Variants in EZH1 observed in about 807,000 individuals in gnomAD.
EZH1 encodes the protein enhancer of zeste 1 polycomb repressive complex 2 subunit, also known as histone-lysine N-methyltransferase EZH1.
EZH1 carries 33 observed loss-of-function variants against 100.5 expected under a neutral mutation model. That is an observed-to-expected ratio of 0.33 (90% CI 0.25 to 0.44). The LOEUF (loss-of-function observed/expected upper bound fraction) is 0.44, where lower values mean the gene tolerates loss of function less well. EZH1 is among the 20% of genes least tolerant of loss of function. EZH1 has a pLI of 1.00. For synonymous variants in EZH1, 272 were observed against 313.8 expected (o/e 0.87, Z 1.41); for missense variants, 475 against 928.4 (o/e 0.51, Z 6.35).
rs930451295 is a variant in EZH1, at chr17:42,700,413, G to A, written c.*2119C>T. ...CCCATCCATCATGACGTGGTGGGGA[G>A]GGGTTGAGACCCATCTTTAAAAGTG... On this transcript the variant is annotated 3_prime_UTR_variant, in exon 21 of 21. Coordinates refer to ENST00000428826, the MANE Select transcript of EZH1 (RefSeq NM_001991.5). 1 of 152,782 alleles carries A rather than the reference G, an allele frequency of 6.5e-6. No individual in the cohort carries two copies. Among genetic ancestry groups the A allele is most frequent in the African/African-American group, 2.4e-5 (1 of 41,416 alleles). The allele number at this position is 152,782 out of a possible 1,614,324, so 9.5% of individuals were successfully genotyped here. A position where few individuals can be genotyped will look rare whatever the true frequency, so the allele number is the denominator to read the frequency against.
intron 1 of EZH1, among the ~76,000 whole-genome samples, chr17:42,741,501 C>T (rs1006957191): frequency 1.4e-4 from 21 of 152,270 alleles, no homozygotes; most frequent in African/African-American, 4.6e-4. Context: ...TGAGCCACAA[C>T]GTGGGGGGCC....
intron 7 of EZH1, 123 bp downstream of exon 7, chr17:42,720,150 T>A: frequency 6.3e-6 from 6 of 948,896 alleles, no homozygotes; most frequent in Non-Finnish European, 9.3e-6. Flanking sequence ...GATCATGTTC[T>A]CCTTTTAAGT....
chr17:42,738,755 ATTTT>A, intron 1 of EZH1, among the ~76,000 whole-genome samples: 1 of 91,214 alleles, frequency 1.1e-5, no homozygotes, highest in South Asian at 3.3e-4. Flanking sequence ...CCTGGCCTAG[ATTTT>A]TTTTTTTTTT....
intron 5 of EZH1, 58 bp downstream of exon 5, chr17:42,724,247 T>C: frequency 6.3e-7 from 1 of 1,597,674 alleles, no homozygotes; most frequent in Non-Finnish European, 8.6e-7. Flanking sequence ...AGCTCTGGCA[T>C]ATCAACATAA....
chr17:42,723,806 T>C (rs952899063), intron 5 of EZH1, among the ~76,000 whole-genome samples: 6 of 152,168 alleles, frequency 3.9e-5, no homozygotes, highest in Admixed American at 1.3e-4. Flanking sequence ...AATGGCAGTA[T>C]TTAGAGAGGA....
At position 42,718,920 on chromosome 17, in the gene EZH1, C is replaced by T. The variant is rs2053655136; in HGVS notation, c.767+185G>A. 1.3e-5 allele frequency among the ~76,000 whole-genome samples: 2 copies of T among 152,110 alleles called. No homozygotes were observed. Among genetic ancestry groups the T allele is most frequent in the Non-Finnish European group, 2.9e-5 (2 of 68,020 alleles). On this transcript the variant is annotated intron_variant, in intron 8 of 20. Coordinates refer to ENST00000428826, the MANE Select transcript of EZH1 (RefSeq NM_001991.5). The surrounding 1 kb of genome is among the most constrained non-coding windows in gnomAD (Gnocchi z 4.2). ...CCAGACTCACTCAAAAGCCAGTATA[C>T]GATGACCCTTAATATAGTAAGGGGG... is the stretch of plus-strand genomic sequence containing the variant.
In EZH1 at chr17:42,702,899, C is replaced by T. The variant is rs1260794915; in HGVS notation, c.2161G>A (p.Glu721Lys). The change falls in exon 20 of 21, where the codon GAA (glutamate) becomes AAA (lysine). Residue 721 changes from glutamate to lysine, a missense_variant. Coordinates refer to ENST00000428826, the MANE Select transcript of EZH1 (RefSeq NM_001991.5). ...CACCTGTAATCAAAGAAGAGCTCTT[C>T]GCCAGCTTGAATTGCCCTCTTGGCA... ...IFAKRAIQAGEELFFDYRYSQ... is the reference protein window; with the variant it reads ...IFAKRAIQAGKELFFDYRYSQ... 14 of 1,614,002 alleles carry T rather than the reference C, an allele frequency of 8.7e-6. No individual in the cohort carries two copies. Among genetic ancestry groups the T allele is most frequent in the Admixed American group, 1.7e-5 (1 of 60,004 alleles).
At chr17:42,704,465 C>T (rs192018759) in intron 18 of EZH1, 137 bp downstream of exon 18, 114 of 592,538 alleles carry the variant, frequency 1.9e-4, no homozygotes, top group African/African-American at 1.6e-3. Context: ...CACTTGAACC[C>T]GGGAGGCAGA....
At chr17:42,729,550 G>A (rs1259352623) in intron 2 of EZH1, among the ~76,000 whole-genome samples, 1 of 147,428 alleles carries the variant, frequency 6.8e-6, no homozygotes, top group African/African-American at 2.5e-5. Context: ...CCAACATAGT[G>A]AAACCCCGTC....
chr17:42,729,340 A>G, intron 2 of EZH1: 1 of 178,504 alleles, frequency 5.6e-6, no homozygotes. Flanking sequence ...CCAGGAGGTC[A>G]AGGCTGCATT....
intron 5 of EZH1, among the ~76,000 whole-genome samples, chr17:42,724,017 A>G (rs2053768826): frequency 6.6e-6 from 1 of 152,194 alleles, no homozygotes. Context: ...AACTGTACAT[A>G]ATATTGGGCC....
At chr17:42,716,400 G>T (rs902968308) in intron 10 of EZH1, among the ~76,000 whole-genome samples, 1 of 152,158 alleles carries the variant, frequency 6.6e-6, no homozygotes, top group Non-Finnish European at 1.5e-5. Context: ...CAGGAAGAAG[G>T]TATCTTTCAA....
Position 42,706,531 on chromosome 17 carries a change from A to T in EZH1, c.1661-346T>A, listed in dbSNP as rs78543057. 1.6e-4 allele frequency among the ~76,000 whole-genome samples: 23 copies of T among 144,152 alleles called. No individual in the cohort carries two copies. Among genetic ancestry groups the T allele is most frequent in the Admixed American group, 5.6e-4 (8 of 14,292 alleles). The allele number at this position is 144,152 out of a possible 152,430, so 94.6% of individuals were successfully genotyped here. On this transcript the variant is annotated intron_variant, in intron 15 of 20. Transcript: ENST00000428826. The surrounding 1 kb of genome is among the most constrained non-coding windows in gnomAD (Gnocchi z 4.4). Reference sequence around the variant, plus strand: ...GAGATCCTGTCTCCACAAAAAAATTAAAAAAAAAAATAGCCATGTGTGGTG... The same window carrying T: ...GAGATCCTGTCTCCACAAAAAAATTTAAAAAAAAAATAGCCATGTGTGGTG...
rs200504064 is a variant in EZH1, at chr17:42,727,656, A to C, written c.225T>G (p.Ser75Arg). The C allele has an allele frequency of 6.2e-7, 1 of 1,612,920 alleles. No individual in the cohort carries two copies. Among genetic ancestry groups the C allele is most frequent in the Admixed American group, 1.7e-5 (1 of 59,846 alleles). Residue 75 changes from serine to arginine, a missense_variant, in exon 4 of 21, where the codon AGT becomes AGG. Ser to Arg is a moderately radical substitution (Grantham distance 110). This residue lies in a region of EZH1 where 105 missense variants were observed against 129.8 expected (regional missense o/e 0.81). Transcript: ENST00000428826. Reference sequence around the variant, plus strand: ...GTACCTTTTTGAGAAAAGGGTGTCCACTCACAGGCTTCATTGACTGAACAG... The same window carrying C: ...GTACCTTTTTGAGAAAAGGGTGTCCCCTCACAGGCTTCATTGACTGAACAG... ...VQPVQSMKPV[S>R]GHPFLKKCTI...
chr17:42,713,054 A>AAAAAG lies in EZH1; in HGVS notation c.1204+150_1204+154dup, dbSNP rs1555647537. On this transcript the variant is annotated intron_variant, in intron 11 of 20. Coordinates refer to ENST00000428826, the MANE Select transcript of EZH1 (RefSeq NM_001991.5). ...GACTGTTTCAAAAAAAAAAAAAAAA[A>AAAAAG]AAAAGAAAATATTCCCCATCTTTAC... Among the ~76,000 whole-genome samples the AAAAAG allele has an allele frequency of 1.5e-4, 22 of 150,340 alleles. 1 individual carries two copies. Among genetic ancestry groups the AAAAAG allele is most frequent in the African/African-American group, 5.5e-4 (22 of 40,132 alleles).
intron 13 of EZH1, 116 bp downstream of exon 13, chr17:42,709,730 G>T: frequency 1.1e-6 from 1 of 902,312 alleles, no homozygotes; most frequent in Non-Finnish European, 1.7e-6. Flanking sequence ...AAGCTGATGG[G>T]CTCACACAGC....
chr17:42,717,674 C>G (rs1055157413), intron 10 of EZH1, among the ~76,000 whole-genome samples: 2 of 152,146 alleles, frequency 1.3e-5, no homozygotes, highest in African/African-American at 2.4e-5. Flanking sequence ...TACCCACCCC[C>G]CCAGCATACA....
At position 42,702,386 on chromosome 17, in the gene EZH1, A is replaced by G; in HGVS notation, c.*146T>C. On this transcript the variant is annotated 3_prime_UTR_variant, in exon 21 of 21. Transcript: ENST00000428826. Reference sequence around the variant, plus strand: ...TGAGACAGTTTTGTGCCCTCTGGACATGGCAGAGGCCTCACTACAGAGGGA... The same window carrying G: ...TGAGACAGTTTTGTGCCCTCTGGACGTGGCAGAGGCCTCACTACAGAGGGA... 1 of 628,964 alleles carries G rather than the reference A, an allele frequency of 1.6e-6. No homozygotes were observed. Among genetic ancestry groups the G allele is most frequent in the East Asian group, 2.8e-5 (1 of 35,238 alleles). The allele number at this position is 628,964 out of a possible 1,614,324, so 39.0% of individuals were successfully genotyped here.
At chr17:42,705,909 TA>T in intron 16 of EZH1, 97 bp downstream of exon 16, 3 of 1,247,678 alleles carry the variant, frequency 2.4e-6, no homozygotes, top group Non-Finnish European at 3.2e-6. Context: ...CTTTCACATA[TA>T]AAGCCTCAAA....
Sources: allele counts gnomAD v4.1 joint callset (sites outside exome capture counted in the v4.1 genomes callset), GRCh38; gene constraint gnomAD v4.1.1; regional missense constraint gnomAD v4.1.1; non-coding constraint Gnocchi (gnomAD v3.1); transcripts MANE v1.5; gene names NCBI Gene and HGNC (gene_info 2026-07-23, HGNC 2026-07-21).